DMD: variants seen among roughly 807,000 people sequenced by gnomAD.
DMD encodes the protein mutant dystrophin.
In DMD, 63 loss-of-function variants were observed where a neutral mutation model predicts 330.1. The ratio of observed to expected loss-of-function variants is 0.19; its 90% CI spans 0.16 to 0.24. The LOEUF is 0.24. Ranked by LOEUF, DMD falls within the 10% of genes least tolerant of loss-of-function variation. DMD has a pLI of 1.00. For synonymous variants in DMD, 1,223 were observed against 959.8 expected, an observed-to-expected ratio of 1.27 and a Z score of -5.07; for missense variants, 3,344 against 2,684.1, an observed-to-expected ratio of 1.25 and a Z score of -5.43.
chrX:31,290,603 G>C (rs924479982), intron 62 of DMD, among the ~76,000 whole-genome samples: 3 of 111,308 alleles, frequency 2.7e-5, no homozygotes, highest in Non-Finnish European at 5.7e-5. Flanking sequence ...ATTATTTGCT[G>C]AATGAATAAA....
intron 1 of DMD, among the ~76,000 whole-genome samples, chrX:33,274,033 T>A (rs2053199037): frequency 8.9e-6 from 1 of 112,002 alleles, no homozygotes; most frequent in African/African-American, 3.2e-5. Context: ...CATAAGAGAA[T>A]ACAAAACAAA....
intron 55 of DMD, among the ~76,000 whole-genome samples, chrX:31,547,834 T>C (rs1160229177): frequency 8.9e-6 from 1 of 112,158 alleles, no homozygotes; most frequent in African/African-American, 3.2e-5. Flanking sequence ...GTGGAATATA[T>C]GAAAGAGATA....
intron 72 of DMD, among the ~76,000 whole-genome samples, 195 bp from the exon 73 acceptor site, chrX:31,172,608 A>G (rs1240154965): frequency 8.9e-6 from 1 of 111,988 alleles, no homozygotes; most frequent in Non-Finnish European, 1.9e-5. Context: ...TAGTAGCACT[A>G]CATTTATGAT....
At chrX:32,852,015 G>A (rs912279708) in intron 2 of DMD, among the ~76,000 whole-genome samples, 10 of 111,386 alleles carry the variant, frequency 9.0e-5, no homozygotes, top group African/African-American at 2.9e-4. Context: ...TCTTGGTGTC[G>A]TGCTGGACTC....
At chrX:31,926,665 G>A (rs1427347137) in intron 47 of DMD, among the ~76,000 whole-genome samples, 1 of 109,153 alleles carries the variant, frequency 9.2e-6, no homozygotes, top group South Asian at 3.9e-4. Context: ...GACAAAGCGA[G>A]ACTCTGTCTC....
At chrX:31,586,332 G>T (rs1425775107) in intron 55 of DMD, among the ~76,000 whole-genome samples, 1 of 112,411 alleles carries the variant, frequency 8.9e-6, no homozygotes, top group Non-Finnish European at 1.9e-5. Flanking sequence ...AGAGAACGTG[G>T]ACTAACACAT....
intron 2 of DMD, among the ~76,000 whole-genome samples, chrX:32,903,011 G>A (rs1432988989): frequency 9.3e-6 from 1 of 107,366 alleles, no homozygotes; most frequent in Non-Finnish European, 1.9e-5. Context: ...ACAAAAATTA[G>A]CTGGGCTTGG....
intron 55 of DMD, among the ~76,000 whole-genome samples, chrX:31,588,282 T>C (rs939952805): frequency 9.0e-6 from 1 of 111,687 alleles, no homozygotes; most frequent in African/African-American, 3.3e-5. Flanking sequence ...CTTGCTCCCT[T>C]GTGGATTTGT....
intron 55 of DMD, among the ~76,000 whole-genome samples, chrX:31,608,784 C>T (rs1337204993): frequency 9.0e-6 from 1 of 111,120 alleles, no homozygotes; most frequent in East Asian, 2.8e-4. Context: ...ACTGTCACCT[C>T]TCACTCCTGC....
intron 7 of DMD, among the ~76,000 whole-genome samples, chrX:32,743,162 G>T (rs932737509): frequency 9.0e-6 from 1 of 111,406 alleles, no homozygotes; most frequent in Non-Finnish European, 1.9e-5. Context: ...CCCCTCCCGG[G>T]ATCTGCCAAC....
intron 44 of DMD, among the ~76,000 whole-genome samples, chrX:32,001,246 G>T (rs773810540): frequency 1.8e-5 from 2 of 110,956 alleles, no homozygotes; most frequent in South Asian, 7.7e-4. Flanking sequence ...TTAAAAAGGC[G>T]ATTTTTTTGT....
At chrX:31,902,769 T>A (rs2094438262) in intron 47 of DMD, among the ~76,000 whole-genome samples, 1 of 111,758 alleles carries the variant, frequency 8.9e-6, no homozygotes, top group African/African-American at 3.2e-5. Context: ...ATCCTAGTTG[T>A]GGATTTATAT....
intron 17 of DMD, among the ~76,000 whole-genome samples, chrX:32,530,854 C>G: frequency 8.9e-6 from 1 of 111,992 alleles, no homozygotes; most frequent in Non-Finnish European, 1.9e-5. Flanking sequence ...GAAATCCTGT[C>G]AGAGTAATAA....
intron 62 of DMD, among the ~76,000 whole-genome samples, chrX:31,308,726 G>A (rs1032235102): frequency 7.3e-5 from 8 of 109,981 alleles, no homozygotes; most frequent in Non-Finnish European, 1.1e-4. Flanking sequence ...ATTTTTTTGT[G>A]TGTGATTTTT....
intron 44 of DMD, among the ~76,000 whole-genome samples, chrX:31,999,940 G>A (rs2095614489): frequency 8.9e-6 from 1 of 112,174 alleles, no homozygotes; most frequent in African/African-American, 3.2e-5. Flanking sequence ...CCTATTAGCT[G>A]CAAATTCTTA....
chrX:31,331,839 T>G (rs1306786737), intron 61 of DMD, among the ~76,000 whole-genome samples: 1 of 112,048 alleles, frequency 8.9e-6, no homozygotes, highest in Admixed American at 9.5e-5. Context: ...CAGGGAAATT[T>G]CAAGGAAAGT....
rs189739116 is a variant in DMD at position 32,700,229 on chromosome X, T to G, written c.650-936A>C. Among the ~76,000 whole-genome samples the G allele has an allele frequency of 1.8e-4, 20 of 111,424 alleles. 1 individual carries two copies. In the Admixed American group the frequency reaches 1.9e-3, roughly 11 times the overall value. ...AAATGCTAGCATTTCATTGTCATCC[T>G]TTTTCATCCTTTAAAAAGAAGGAAA... On this transcript the variant is annotated intron_variant, in intron 7 of 78. Transcript: ENST00000357033.
chrX:31,141,998 G>T (rs1168865484), intron 76 of DMD, among the ~76,000 whole-genome samples: 1 of 111,327 alleles, frequency 9.0e-6, no homozygotes, highest in Non-Finnish European at 1.9e-5. Flanking sequence ...ATTCAAATTG[G>T]GGGACATTCT....
At chrX:32,224,540 A>G (rs1453705879) in intron 43 of DMD, among the ~76,000 whole-genome samples, 2 of 111,514 alleles carry the variant, frequency 1.8e-5, no homozygotes, top group African/African-American at 6.5e-5. Flanking sequence ...TGATCTGCTC[A>G]CTCTGGTAGT....
Sources: allele counts gnomAD v4.1 joint callset (sites outside exome capture counted in the v4.1 genomes callset), GRCh38; gene constraint gnomAD v4.1.1; transcripts MANE v1.5; gene names NCBI Gene and HGNC (gene_info 2026-07-23, HGNC 2026-07-21).